The following LRRC4C variants were observed in gnomAD, a reference collection of about 807,000 sequenced individuals.
LRRC4C encodes leucine-rich repeat-containing protein 4C.
A neutral mutation model predicts 33.6 loss-of-function variants in LRRC4C; 5 were observed. The observed-to-expected ratio is 0.15, with a 90% CI of 0.08 to 0.31. LRRC4C has a LOEUF of 0.31. Among genes scored for constraint, LRRC4C ranks in the 10% least tolerant of loss-of-function variants. The pLI, the probability that LRRC4C is intolerant of heterozygous loss-of-function variation, is 1.00. For synonymous variants in LRRC4C, 329 were observed against 302.0 expected, an observed-to-expected ratio of 1.09 and a Z score of -0.93; for missense variants, 560 against 796.7, an observed-to-expected ratio of 0.70 and a Z score of 3.58.
intron 2 of LRRC4C, among the ~76,000 whole-genome samples, chr11:40,886,049 G>T (rs1591992868): frequency 6.6e-6 from 1 of 152,156 alleles, no homozygotes; most frequent in East Asian, 1.9e-4. Flanking sequence ...GAGAGAAATT[G>T]TCAGTGGCAC....
chr11:40,125,103 A>G (rs1856116037), intron 6 of LRRC4C, among the ~76,000 whole-genome samples: 1 of 152,186 alleles, frequency 6.6e-6, no homozygotes, highest in Admixed American at 6.5e-5. Flanking sequence ...ATGTCTAAGC[A>G]AAGATTGATA....
chr11:40,540,525 A>G (rs547753847), intron 3 of LRRC4C, among the ~76,000 whole-genome samples: 1 of 152,242 alleles, frequency 6.6e-6, no homozygotes, highest in South Asian at 2.1e-4. Flanking sequence ...GGAAGACCTG[A>G]ATGGGGATAA....
At position 40,296,637 on chromosome 11, in the gene LRRC4C, T is replaced by A. The variant is rs79772802; in HGVS notation, c.-176+22991A>T. Among the ~76,000 whole-genome samples the A allele has an allele frequency of 7.8e-3, 1,181 of 152,244 alleles. 16 individuals carry two copies. The highest frequency in any genetic ancestry group is 0.029 in the East Asian group (148 of 5,176). On this transcript the variant is annotated intron_variant, in intron 4 of 6. Coordinates refer to ENST00000528697, the MANE Select transcript of LRRC4C (RefSeq NM_001258419.2). Reference sequence around the variant, plus strand: ...AGGATGGCAATACCACATTTGTCACTGAATGACCTCACCCAAAAAGAATTG... The same window carrying A: ...AGGATGGCAATACCACATTTGTCACAGAATGACCTCACCCAAAAAGAATTG...
At chr11:41,415,919 C>T (rs184054894) in intron 1 of LRRC4C, among the ~76,000 whole-genome samples, 14 of 152,158 alleles carry the variant, frequency 9.2e-5, no homozygotes, top group Admixed American at 3.3e-4. Flanking sequence ...AGGATTATTT[C>T]TGACTTGTCC....
intron 2 of LRRC4C, among the ~76,000 whole-genome samples, chr11:40,834,993 G>A (rs1275367214): frequency 2.7e-5 from 4 of 149,254 alleles, no homozygotes; most frequent in Non-Finnish European, 4.4e-5. Context: ...GAATTTGCAT[G>A]CACCCTTTCT....
chr11:40,403,386 C>A (rs1175156826), intron 3 of LRRC4C, among the ~76,000 whole-genome samples: 1 of 152,016 alleles, frequency 6.6e-6, no homozygotes, highest in Non-Finnish European at 1.5e-5. Flanking sequence ...AGAAAATAAT[C>A]TTCTTTCATA....
At chr11:40,632,306 AC>A (rs1396564608) in intron 3 of LRRC4C, among the ~76,000 whole-genome samples, 2 of 152,204 alleles carry the variant, frequency 1.3e-5, no homozygotes, top group African/African-American at 4.8e-5. Flanking sequence ...GACCTAAAGA[AC>A]ACCTCAAAAA....
chr11:40,775,087 G>C (rs1949929460), intron 2 of LRRC4C, among the ~76,000 whole-genome samples: 1 of 151,648 alleles, frequency 6.6e-6, no homozygotes, highest in Non-Finnish European at 1.5e-5. Context: ...TATAGATTGG[G>C]ACTGGCCAGT....
intron 4 of LRRC4C, among the ~76,000 whole-genome samples, chr11:40,269,682 A>C: frequency 6.6e-6 from 1 of 152,258 alleles, no homozygotes; most frequent in Middle Eastern, 3.4e-3. Flanking sequence ...TTACACAGTA[A>C]ATAATAATAT....
chr11:40,213,385 G>A (rs558458263), intron 5 of LRRC4C, among the ~76,000 whole-genome samples: 1 of 152,226 alleles, frequency 6.6e-6, no homozygotes, highest in African/African-American at 2.4e-5. Context: ...ACCATCACCA[G>A]TTGAATATGT....
chr11:41,453,660 A>ATGTGTGTGTGTG (rs372990313), intron 1 of LRRC4C, among the ~76,000 whole-genome samples: 11 of 150,262 alleles, frequency 7.3e-5, no homozygotes, highest in Non-Finnish European at 1.5e-4. Flanking sequence ...TTTTGTGTGT[A>ATGTGTGTGTGTG]TGTGTGTGTG....
chr11:41,043,129 T>C (rs1857551255), intron 1 of LRRC4C, among the ~76,000 whole-genome samples: 1 of 149,774 alleles, frequency 6.7e-6, no homozygotes, highest in Non-Finnish European at 1.5e-5. Flanking sequence ...GAGTATTTGA[T>C]TTGATGAGCT....
intron 4 of LRRC4C, among the ~76,000 whole-genome samples, chr11:40,256,920 C>T (rs1014474938): frequency 3.3e-5 from 5 of 152,176 alleles, no homozygotes; most frequent in Admixed American, 3.3e-4. Flanking sequence ...TTTATGTCTT[C>T]AGCAGACAGA....
chr11:40,450,329 A>G (rs1951827343), intron 3 of LRRC4C, among the ~76,000 whole-genome samples: 1 of 152,210 alleles, frequency 6.6e-6, no homozygotes, highest in Non-Finnish European at 1.5e-5. Flanking sequence ...GTTAATTATG[A>G]TTAAATAAAT....
chr11:41,250,459 A>C (rs901202010), intron 1 of LRRC4C, among the ~76,000 whole-genome samples: 3 of 152,210 alleles, frequency 2.0e-5, no homozygotes, highest in Non-Finnish European at 4.4e-5. Context: ...TAAAGGTCAT[A>C]GATATTTGAA....
chr11:40,311,195 T>A (rs1945286708), intron 4 of LRRC4C, among the ~76,000 whole-genome samples: 1 of 152,208 alleles, frequency 6.6e-6, no homozygotes, highest in Non-Finnish European at 1.5e-5. Context: ...GTGATTGATA[T>A]TTCTCTCCTG....
At chr11:41,377,536 C>T (rs745348993) in intron 1 of LRRC4C, among the ~76,000 whole-genome samples, 28 of 152,098 alleles carry the variant, frequency 1.8e-4, no homozygotes, top group Non-Finnish European at 3.2e-4. Context: ...GGTAGATAAG[C>T]GTGTTGCTAA....
At chr11:40,261,541 CA>C in intron 4 of LRRC4C, among the ~76,000 whole-genome samples, 1 of 152,128 alleles carries the variant, frequency 6.6e-6, no homozygotes, top group East Asian at 1.9e-4. Flanking sequence ...CAACATTTAA[CA>C]AGACTATAAA....
At chr11:40,742,241 G>A (rs1383228633) in intron 2 of LRRC4C, among the ~76,000 whole-genome samples, 1 of 151,990 alleles carries the variant, frequency 6.6e-6, no homozygotes, top group Non-Finnish European at 1.5e-5. Context: ...TAAATGGATA[G>A]CATCTAGTAG....
Sources: gnomAD v4.1 joint callset for allele counts (sites outside exome capture counted in the v4.1 genomes callset) on GRCh38, gnomAD v4.1.1 for gene constraint, MANE v1.5 for transcripts, NCBI Gene and HGNC (gene_info 2026-07-23, HGNC 2026-07-21) for gene names.